SLC22A15: variants seen among roughly 807,000 people sequenced by gnomAD.
The protein encoded by SLC22A15 is solute carrier family 22 member 15.
A neutral mutation model predicts 62.7 loss-of-function variants in SLC22A15; 45 were observed. The ratio of observed to expected loss-of-function variants is 0.72; its 90% confidence interval spans 0.56 to 0.92. SLC22A15 has a LOEUF of 0.92. Among genes scored for constraint, SLC22A15 ranks in the 40% least tolerant of loss-of-function variants. The pLI is 0.00. For missense variants in SLC22A15, 622 were observed against 665.6 expected (o/e 0.93, Z 0.72); for synonymous variants, 264 against 267.0 (o/e 0.99, Z 0.11).
intron 8 of SLC22A15, among the ~76,000 whole-genome samples, chr1:116,050,223 A>G (rs1162531137): frequency 1.3e-5 from 2 of 152,206 alleles, no homozygotes; most frequent in Admixed American, 6.5e-5. Flanking sequence ...AGAAAGAAGG[A>G]ACCTTCCCTA....
rs762596721 is a variant in SLC22A15 at position 115,992,205 on chromosome 1, G to A, written c.262G>A (p.Val88Met). Reference sequence around the variant, plus strand: ...CAACGGCAGTGAGATCCATAAGCACGTGCATTTCAGCAGCAGCTTCACCTC... The same window carrying A: ...CAACGGCAGTGAGATCCATAAGCACATGCATTTCAGCAGCAGCTTCACCTC... The part of the protein sequence containing the change: ...TANGSEIHKH[V>M]HFSSSFTSIA... Residue 88 changes from valine (V) to methionine (M), a missense_variant, in exon 2 of 12, where the codon GTG (valine) becomes ATG (methionine). Coordinates refer to ENST00000369503, the MANE Select transcript of SLC22A15 (RefSeq NM_018420.3). The A allele has an allele frequency of 9.3e-6, 15 of 1,604,856 alleles. No homozygotes were observed. The highest frequency in any genetic ancestry group is 2.2e-5 in the East Asian group (1 of 44,498).
intron 3 of SLC22A15, among the ~76,000 whole-genome samples, chr1:116,020,506 A>G (rs1384567094): frequency 6.6e-6 from 1 of 151,476 alleles, no homozygotes; most frequent in Non-Finnish European, 1.5e-5. Context: ...CAGCGAGCCG[A>G]GATTGTGCCA....
intron 8 of SLC22A15, among the ~76,000 whole-genome samples, chr1:116,057,717 C>T (rs1245972464): frequency 6.6e-6 from 1 of 152,132 alleles, no homozygotes; most frequent in Non-Finnish European, 1.5e-5. Context: ...CCATGGAATA[C>T]TATACAGCCA....
At chr1:116,054,708 C>G (rs1658154710) in intron 8 of SLC22A15, among the ~76,000 whole-genome samples, 1 of 152,176 alleles carries the variant, frequency 6.6e-6, no homozygotes, top group Non-Finnish European at 1.5e-5. Context: ...CAAACTGCCT[C>G]AGACCACAGT....
chr1:115,988,103 G>GA (rs954286057), intron 1 of SLC22A15, among the ~76,000 whole-genome samples: 3 of 152,118 alleles, frequency 2.0e-5, no homozygotes, highest in Admixed American at 6.5e-5. Context: ...TTGAAAGGGG[G>GA]AAAAAAATCC....
At chr1:116,002,318 C>G (rs1272704299) in intron 2 of SLC22A15, among the ~76,000 whole-genome samples, 2 of 152,176 alleles carry the variant, frequency 1.3e-5, no homozygotes, top group African/African-American at 4.8e-5. Flanking sequence ...CCAGGTCCTG[C>G]CCAAGGCCTG....
chr1:116,068,453 A>C lies in SLC22A15; in HGVS notation c.*1345A>C, dbSNP rs200800283. ...TGGAAGTGCTGGAAGCATCACCCCA[A>C]TTGGCTCCAAATACTGTCATGTTTT... is the stretch of plus-strand genomic sequence containing the variant. On this transcript the variant is annotated 3_prime_UTR_variant, in exon 12 of 12. Coordinates refer to ENST00000369503, the MANE Select transcript of SLC22A15 (RefSeq NM_018420.3). 6.6e-6 allele frequency: 1 copy of C among 152,394 alleles called. No individual in the cohort carries two copies. The highest frequency in any genetic ancestry group is 1.5e-5 in the Non-Finnish European group (1 of 68,020). 9.4% of individuals were successfully genotyped at this position (152,394 alleles called of 1,614,324 possible). A position where few individuals can be genotyped will look rare whatever the true frequency, so the allele number is the denominator to read the frequency against.
chr1:116,020,995 AT>A (rs1245201026), intron 4 of SLC22A15, 110 bp downstream of exon 4: 1 of 965,870 alleles, frequency 1.0e-6, no homozygotes, highest in African/African-American at 1.6e-5. Flanking sequence ...GAGGTACTTT[AT>A]CCAACTATTA....
intron 2 of SLC22A15, chr1:116,017,368 C>CAAAAAAAA (rs558402209): frequency 1.2e-4 from 10 of 84,808 alleles, no homozygotes; most frequent in Admixed American, 1.4e-4. Flanking sequence ...GAAACCCTGC[C>CAAAAAAAA]AAAAAAAAAA....
At chr1:116,031,946 A>G (rs1657422879) in intron 6 of SLC22A15, 2 of 1,076,314 alleles carry the variant, frequency 1.9e-6, no homozygotes, top group African/African-American at 1.7e-5. Flanking sequence ...TTTAAATAGG[A>G]CTTTAAAAAT....
chr1:116,033,432 C>T (rs1657500460), intron 6 of SLC22A15, among the ~76,000 whole-genome samples: 1 of 152,108 alleles, frequency 6.6e-6, no homozygotes, highest in African/African-American at 2.4e-5. Flanking sequence ...GCCTTCCATG[C>T]TTCATGCTCT....
At chr1:115,995,450 C>CAT (rs907294129) in intron 2 of SLC22A15, among the ~76,000 whole-genome samples, 1 of 152,144 alleles carries the variant, frequency 6.6e-6, no homozygotes, top group Admixed American at 6.5e-5. Context: ...AGGGTTTCAC[C>CAT]ATGTTGGCCA....
chr1:116,031,861 A>G, intron 6 of SLC22A15: 1 of 1,256,164 alleles, frequency 8.0e-7, no homozygotes, highest in Non-Finnish European at 1.0e-6. Flanking sequence ...TTTATCATAA[A>G]TATTTAAGCC....
chr1:116,017,822 CT>C, intron 2 of SLC22A15: 1 of 160,282 alleles, frequency 6.2e-6, no homozygotes, highest in East Asian at 1.7e-4. Flanking sequence ...TGAGTGGTCT[CT>C]TGGTTCTCTG....
intron 8 of SLC22A15, among the ~76,000 whole-genome samples, chr1:116,056,927 A>G (rs1247074269): frequency 6.6e-6 from 1 of 151,954 alleles, no homozygotes; most frequent in East Asian, 1.9e-4. Context: ...AAAGACTTAA[A>G]CGTTAGACCT....
At chr1:116,050,550 A>G (rs537680080) in intron 8 of SLC22A15, among the ~76,000 whole-genome samples, 40 of 152,090 alleles carry the variant, frequency 2.6e-4, no homozygotes, top group African/African-American at 9.6e-4. Flanking sequence ...TCCCTTTATG[A>G]TTATAACTCG....
At chr1:116,065,429 T>G (rs897457523) in intron 10 of SLC22A15, among the ~76,000 whole-genome samples, 4 of 152,192 alleles carry the variant, frequency 2.6e-5, no homozygotes, top group African/African-American at 9.7e-5. Flanking sequence ...ATATCTGACT[T>G]TGGATAGCTA....
At chr1:116,048,724 C>T (rs1657987098) in intron 8 of SLC22A15, among the ~76,000 whole-genome samples, 3 of 152,086 alleles carry the variant, frequency 2.0e-5, no homozygotes, top group Non-Finnish European at 2.9e-5. Context: ...AAAAATAGCA[C>T]AATGAATGCA....
chr1:115,992,660 T>A (rs1445805398), intron 2 of SLC22A15, among the ~76,000 whole-genome samples: 1 of 151,406 alleles, frequency 6.6e-6, no homozygotes, highest in Non-Finnish European at 1.5e-5. Context: ...CTTGCTTTGT[T>A]GCCCAAGCTG....
Sources: allele counts gnomAD v4.1 joint callset (sites outside exome capture counted in the v4.1 genomes callset), GRCh38; gene constraint gnomAD v4.1.1; transcripts MANE v1.5; gene names NCBI Gene and HGNC (gene_info 2026-07-23, HGNC 2026-07-21).